Variants in BMI1 observed in about 807,000 individuals in gnomAD.
BMI1 encodes the protein polycomb complex protein BMI-1.
A neutral mutation model predicts 39.1 loss-of-function variants in BMI1; 9 were observed. That is an observed-to-expected ratio of 0.23 (90% CI 0.14 to 0.40). The LOEUF (loss-of-function observed/expected upper bound fraction) is 0.40. Among genes scored for constraint, BMI1 ranks in the 10% least tolerant of loss-of-function variants. The pLI is 1.00. For synonymous variants in BMI1, 131 were observed against 127.9 expected (o/e 1.02, Z -0.16); for missense variants, 252 against 390.8 (o/e 0.64, Z 2.99).
intron 5 of BMI1, 25 bp downstream of exon 5, chr10:22,327,817 C>G (rs1564350703): frequency 1.2e-6 from 2 of 1,612,868 alleles, no homozygotes; most frequent in South Asian, 2.2e-5. Flanking sequence ...GGAGGGAAGA[C>G]ATTTTATATG....
chr10:22,328,588 A>T lies in BMI1; in HGVS notation c.472-12A>T. ...GTAACTGAAAAAGTTACTTTTCTAA[A>T]TGTACTTTTAGGTGAATGATAAAAG... On this transcript the variant is annotated splice_polypyrimidine_tract_variant and intron_variant, in intron 7 of 9. Coordinates refer to ENST00000376663, the MANE Select transcript of BMI1 (RefSeq NM_005180.9). 1 of 1,581,352 alleles carries T rather than the reference A, an allele frequency of 6.3e-7. No individual in the cohort carries two copies. The highest frequency in any genetic ancestry group is 8.6e-7 in the Non-Finnish European group (1 of 1,169,200).
intron 1 of BMI1, among the ~76,000 whole-genome samples, chr10:22,323,705 G>A (rs911470042): frequency 6.6e-6 from 1 of 152,208 alleles, no homozygotes; most frequent in Admixed American, 6.5e-5. Context: ...AAAACTGACA[G>A]CCCCAACTGA....
chr10:22,326,359 C>T (rs1304947957), intron 1 of BMI1, 72 bp from the exon 2 acceptor site: 1 of 1,582,676 alleles, frequency 6.3e-7, no homozygotes, highest in Non-Finnish European at 8.6e-7. Context: ...TTCAGTGTTT[C>T]AGGGTTTGTG....
chr10:22,326,326 C>T, intron 1 of BMI1, 105 bp from the exon 2 acceptor site: 1 of 1,469,400 alleles, frequency 6.8e-7, no homozygotes, highest in Non-Finnish European at 9.1e-7. Flanking sequence ...CCCAGCTGTA[C>T]AGTGTTAAAT....
At chr10:22,325,558 C>G (rs1331545575) in intron 1 of BMI1, 2 of 145,726 alleles carry the variant, frequency 1.4e-5, no homozygotes, top group East Asian at 2.0e-4. Context: ...GGCTGCCCCG[C>G]CCCCCCGGCG....
chr10:22,329,737 TG>T lies in BMI1; in HGVS notation c.*196del. 1 of 660,714 alleles carries T rather than the reference TG, an allele frequency of 1.5e-6. No homozygotes were observed. The highest frequency in any genetic ancestry group is 2.4e-5 in the South Asian group (1 of 41,862). The allele number at this position is 660,714 out of a possible 1,614,324, so 40.9% of individuals were successfully genotyped here. On this transcript the variant is annotated 3_prime_UTR_variant, in exon 10 of 10. Transcript: ENST00000376663. ...GACGTTAATTGAAAAGAAAGATTGT[TG>T]TTATAAAGAATTGGTTTCTTGGAAA...
rs1564347872 is a variant in BMI1 at position 22,321,389 on chromosome 10, C to CGGAGGA, written c.-327_-326insGGAGGA. On this transcript the variant is annotated 5_prime_UTR_variant, in exon 1 of 10. Coordinates refer to ENST00000376663, the MANE Select transcript of BMI1 (RefSeq NM_005180.9). ...GCGGAGCGGGAGGAGGCGGCGGCGG[C>CGGAGGA]CGAGGAGGAGGAGGAGGAGGCCCCG... 6.2e-6 allele frequency: 1 copy of CGGAGGA among 160,034 alleles called. No homozygotes were observed. The highest frequency in any genetic ancestry group is 1.9e-4 in the East Asian group (1 of 5,298). The allele number at this position is 160,034 out of a possible 1,614,324, so 9.9% of individuals were successfully genotyped here.
At position 22,329,629 on chromosome 10, in the gene BMI1, A is replaced by C. The variant is rs1405451035; in HGVS notation, c.*87A>C. On this transcript the variant is annotated 3_prime_UTR_variant, in exon 10 of 10. Coordinates refer to ENST00000376663, the MANE Select transcript of BMI1 (RefSeq NM_005180.9). ...ATTACAGCTTTCTAGATGCTAATAC[A>C]TGTGACTATCGTCCAATTTGCTTTC... is the stretch of plus-strand genomic sequence containing the variant. 6.9e-7 allele frequency: 1 copy of C among 1,449,914 alleles called. No individual in the cohort carries two copies. Among genetic ancestry groups the C allele is most frequent in the Non-Finnish European group, 9.2e-7 (1 of 1,083,142 alleles). The allele number at this position is 1,449,914 out of a possible 1,614,324, so 89.8% of individuals were successfully genotyped here. A position where few individuals can be genotyped will look rare whatever the true frequency, so the allele number is the denominator to read the frequency against.
At position 22,327,667 on chromosome 10, in the gene BMI1, G is replaced by A. The variant is rs1564350637; in HGVS notation, c.265+17G>A. On this transcript the variant is annotated intron_variant, in intron 4 of 9. Transcript: ENST00000376663. ...TTTTCAAAAGTGAGTAACTTGCTTA[G>A]AAAATGAATTTAAAGAGATTATTCA... The A allele has an allele frequency of 6.2e-7, 1 of 1,613,078 alleles. No individual in the cohort carries two copies.
chr10:22,328,084 A>G, intron 6 of BMI1, 26 bp downstream of exon 6: 5 of 1,595,504 alleles, frequency 3.1e-6, no homozygotes, highest in Non-Finnish European at 4.3e-6. Flanking sequence ...AATTTATTTT[A>G]TGCTAATGTT....
At position 22,331,125 on chromosome 10, in the gene BMI1, A is replaced by G. The variant is rs1258012216; in HGVS notation, c.*1583A>G. 1 of 152,604 alleles carries G rather than the reference A, an allele frequency of 6.6e-6. No individual in the cohort carries two copies. Among genetic ancestry groups the G allele is most frequent in the African/African-American group, 2.4e-5 (1 of 41,456 alleles). 9.5% of individuals were successfully genotyped at this position (152,604 alleles called of 1,614,324 possible). A position where few individuals can be genotyped will look rare whatever the true frequency, so the allele number is the denominator to read the frequency against. Reference sequence around the variant, plus strand: ...ATAGTAAAGGATGTTTTATGAAGTCACAAGATACATATATTTTTATTTTGA... The same window carrying G: ...ATAGTAAAGGATGTTTTATGAAGTCGCAAGATACATATATTTTTATTTTGA... On this transcript the variant is annotated 3_prime_UTR_variant, in exon 10 of 10. Transcript: ENST00000376663.
rs138393869 is a variant in BMI1, at chr10:22,328,735, A to C, written c.570+37A>C. The C allele has an allele frequency of 1.0e-3, 1,529 of 1,522,640 alleles. 16 individuals carry two copies. The African/African-American group carries it at 0.017, about 17-fold the overall frequency. 94.3% of individuals were successfully genotyped at this position (1,522,640 alleles called of 1,614,324 possible). On this transcript the variant is annotated intron_variant, in intron 8 of 9. Transcript: ENST00000376663. The stretch of plus-strand genomic sequence containing the variant: ...TATATTCTTCTTGCATTTTACATAG[A>C]TTTTACAATTTTAATTACATTTTTC...
At chr10:22,321,960 C>A (rs1476837578) in intron 1 of BMI1, 1 of 145,350 alleles carries the variant, frequency 6.9e-6, no homozygotes, top group Non-Finnish European at 1.5e-5. Context: ...CGACCCGCAG[C>A]CCGCGCCGCG....
At chr10:22,326,819 T>C in intron 2 of BMI1, 71 bp from the exon 3 acceptor site, 13 of 1,564,586 alleles carry the variant, frequency 8.3e-6, no homozygotes, top group Non-Finnish European at 1.1e-5. Flanking sequence ...CTACTAGTTC[T>C]GGGTTTCTAA....
At chr10:22,327,281 AATAT>A (rs1836178782) in intron 3 of BMI1, among the ~76,000 whole-genome samples, 1 of 152,194 alleles carries the variant, frequency 6.6e-6, no homozygotes, top group African/African-American at 2.4e-5. Context: ...GGCAGGAATA[AATAT>A]TTAAAAGGGC....
rs1475585613 is a variant in BMI1, at chr10:22,326,379, T to G, written c.-19-52T>G. The G allele has an allele frequency of 2.5e-6, 4 of 1,601,132 alleles. No individual in the cohort carries two copies. The African/African-American group carries it at 5.3e-5, about 21-fold the overall frequency. On this transcript the variant is annotated intron_variant, in intron 1 of 9. Transcript: ENST00000376663. ...TGTTTCAGGGTTTGTGATTACTAGA[T>G]GATCTCCATTCTTGTTCTGTGAATT... is the stretch of plus-strand genomic sequence containing the variant.
Sources: allele counts gnomAD v4.1 joint callset (sites outside exome capture counted in the v4.1 genomes callset), GRCh38; gene constraint gnomAD v4.1.1; transcripts MANE v1.5; gene names NCBI Gene and HGNC (gene_info 2026-07-23, HGNC 2026-07-21).